Variants in MUCL1 observed in about 807,000 individuals in gnomAD.
MUCL1 encodes mucin-like protein 1.
Under a neutral mutation model 9.2 loss-of-function variants are expected in MUCL1, and 11 were observed. The observed-to-expected ratio is 1.19, with a 90% CI of 0.75 to 1.97. The LOEUF (loss-of-function observed/expected upper bound fraction) is 1.97, where lower values mean the gene tolerates loss of function less well. MUCL1 is among the 30% of genes most tolerant of loss of function. The probability of loss-of-function intolerance (pLI) is 0.00; values close to 1 mark genes in which losing one functional copy is unlikely to be tolerated. For synonymous variants in MUCL1, 48 were observed against 40.5 expected (o/e 1.19, Z -0.71); for missense variants, 144 against 110.9 (o/e 1.30, Z -1.34).
At chr12:54,831,944 A>C (rs1446846443) in intron 1 of MUCL1, among the ~76,000 whole-genome samples, 1 of 152,132 alleles carries the variant, frequency 6.6e-6, no homozygotes, top group East Asian at 1.9e-4. Flanking sequence ...TACAATTAAT[A>C]TGTGAAAATA....
In MUCL1 at chr12:54,858,376, CTA is replaced by C. The variant is rs1334057540; in HGVS notation, c.*136_*137del. 3.3e-5 allele frequency: 37 copies of C among 1,126,844 alleles called. No individual in the cohort carries two copies. The African/African-American group carries it at 3.6e-4, about 11-fold the overall frequency. 69.8% of individuals were successfully genotyped at this position (1,126,844 alleles called of 1,614,324 possible). A position where few individuals can be genotyped will look rare whatever the true frequency, so the allele number is the denominator to read the frequency against. ...TTATTTTCTTTCAAATAAAAAATAA[CTA>C]TGAGCAACATAAAAATGGTATTTCT... On this transcript the variant is annotated 3_prime_UTR_variant, in exon 4 of 4. Transcript: ENST00000308796.
At chr12:54,852,702 G>A (rs1868264284), upstream of MUCL1, among the ~76,000 whole-genome samples, 1 of 152,112 alleles carries the variant, frequency 6.6e-6, no homozygotes, top group African/African-American at 2.4e-5. Flanking sequence ...GACACAGTGG[G>A]CTCTCAATAA....
At chr12:54,837,674 C>G (rs1040158078), upstream of MUCL1, among the ~76,000 whole-genome samples, 2 of 152,104 alleles carry the variant, frequency 1.3e-5, no homozygotes, top group African/African-American at 4.8e-5. Context: ...GAGGCTGAGG[C>G]AGGAGAATGG....
chr12:54,835,859 G>C (rs114044956), upstream of MUCL1, among the ~76,000 whole-genome samples: 444 of 152,168 alleles, frequency 2.9e-3, 2 homozygotes, highest in African/African-American at 0.01. Flanking sequence ...TTTAAATTCT[G>C]CCTATTTATA....
At chr12:54,854,469 T>C, upstream of MUCL1, 9 of 761,852 alleles carry the variant, frequency 1.2e-5, no homozygotes, top group Non-Finnish European at 1.9e-5. Context: ...CAGCTCCTGA[T>C]TGGTGCCCTC....
chr12:54,839,590 A>G (rs1274906735), intron 1 of MUCL1: 1 of 681,044 alleles, frequency 1.5e-6, no homozygotes, highest in Non-Finnish European at 2.7e-6. Context: ...TCGCAGGAAA[A>G]TGATTTGCCT....
chr12:54,840,394 C>T (rs1049687788), intron 1 of MUCL1, among the ~76,000 whole-genome samples: 4 of 152,212 alleles, frequency 2.6e-5, no homozygotes, highest in African/African-American at 7.2e-5. Flanking sequence ...GAATAAGTTT[C>T]CTTCCAGAAT....
chr12:54,834,854 T>A (rs2121479382), upstream of MUCL1, among the ~76,000 whole-genome samples: 1 of 152,270 alleles, frequency 6.6e-6, no homozygotes, highest in East Asian at 1.9e-4. Flanking sequence ...ACCCGAGCAG[T>A]GTACATTGTA....
Position 54,841,522 on chromosome 12 carries a change from A to C in MUCL1, c.43+2075A>C, listed in dbSNP as rs1051460828. 8.5e-5 allele frequency among the ~76,000 whole-genome samples: 13 copies of C among 152,286 alleles called. No homozygotes were observed. In the South Asian group the frequency reaches 2.5e-3, roughly 29 times the overall value. On this transcript the variant is annotated intron_variant, in intron 1 of 3. Coordinates refer to the MUCL1 transcript ENST00000546809. ...CAACCCTGCCGTACTTTGTCTTTTC[A>C]ATAATAGCCATTCCACTAGGTGGGA...
At chr12:54,856,647 C>T (rs1225935894) in intron 2 of MUCL1, 123 bp from the exon 3 acceptor site, 2 of 1,326,970 alleles carry the variant, frequency 1.5e-6, no homozygotes, top group South Asian at 1.4e-5. Context: ...AAAGGTAAGA[C>T]AGAACTGATG....
chr12:54,833,785 C>A (rs986635249), intron 1 of MUCL1, among the ~76,000 whole-genome samples: 6 of 135,828 alleles, frequency 4.4e-5, no homozygotes, highest in Admixed American at 8.5e-5. Context: ...AACACATGAA[C>A]ACAGGAAGGG....
intron 1 of MUCL1, 61 bp downstream of exon 1, chr12:54,854,701 T>C: frequency 6.9e-7 from 1 of 1,454,972 alleles, no homozygotes. Flanking sequence ...ATATCTCCTC[T>C]AAAGATGTGG....
In MUCL1 at chr12:54,855,146, C is replaced by T. The variant is rs748014864; in HGVS notation, c.89C>T (p.Thr30Met). 2.3e-5 allele frequency: 37 copies of T among 1,613,128 alleles called. No homozygotes were observed. Among genetic ancestry groups the T allele is most frequent in the Admixed American group, 1.0e-4 (6 of 59,874 alleles). The change falls in exon 2 of 4, where the codon ACG becomes ATG. Residue 30 changes from threonine (T) to methionine (M), a missense_variant. Thr to Met is a moderately conservative substitution (Grantham distance 81, BLOSUM62 -1). Transcript: ENST00000308796. The part of the protein sequence containing the change: ...QNPTTAAPAD[T>M]YPATGPADDE... ...CCGACAACAGCTGCTCCAGCTGACA[C>T]GTATCCAGCTAGTGAGTCTGCACTT...
upstream of MUCL1, among the ~76,000 whole-genome samples, chr12:54,853,680 C>T (rs1333767449): frequency 1.3e-5 from 2 of 151,992 alleles, no homozygotes; most frequent in Non-Finnish European, 2.9e-5. Context: ...TTTTATTAGG[C>T]CTTATCACCT....
At chr12:54,854,462 C>A, upstream of MUCL1, 1 of 710,536 alleles carries the variant, frequency 1.4e-6, no homozygotes, top group South Asian at 1.9e-5. Context: ...TGGTTGACAG[C>A]TCCTGATTGG....
chr12:54,852,082 C>T (rs1286819961), upstream of MUCL1, among the ~76,000 whole-genome samples: 13 of 152,098 alleles, frequency 8.5e-5, no homozygotes, highest in Non-Finnish European at 1.5e-4. Context: ...CCATACTGCC[C>T]AAGGTAATTT....
intron 1 of MUCL1, among the ~76,000 whole-genome samples, chr12:54,842,803 CT>C (rs1199038532): frequency 2.6e-5 from 4 of 151,954 alleles, no homozygotes; most frequent in Admixed American, 2.6e-4. Context: ...TACTTCCTGC[CT>C]GATTGCCCTG....
At chr12:54,834,679 C>A (rs540666400), upstream of MUCL1, among the ~76,000 whole-genome samples, 191 of 151,528 alleles carry the variant, frequency 1.3e-3, no homozygotes, top group Non-Finnish European at 2.0e-3. Flanking sequence ...TCATAATGAA[C>A]TAACTGTGTA....
upstream of MUCL1, among the ~76,000 whole-genome samples, chr12:54,837,777 C>G (rs907306847): frequency 2.6e-5 from 4 of 151,404 alleles, no homozygotes; most frequent in African/African-American, 9.8e-5. Flanking sequence ...TCCAAAAAAA[C>G]AAAAACAAAA....
Sources: allele counts gnomAD v4.1 joint callset (sites outside exome capture counted in the v4.1 genomes callset), GRCh38; gene constraint gnomAD v4.1.1; transcripts MANE v1.5; gene names NCBI Gene and HGNC (gene_info 2026-07-23, HGNC 2026-07-21).